MFF: variants seen among roughly 807,000 people sequenced by gnomAD.
The protein encoded by MFF is mitochondrial fission factor.
MFF carries 12 observed loss-of-function variants against 36.9 expected under a neutral mutation model. That is an observed-to-expected ratio of 0.33 (90% CI 0.21 to 0.53). The LOEUF is 0.53. Among genes scored for constraint, MFF ranks in the 20% least tolerant of loss-of-function variants. MFF has a pLI of 0.95. For missense variants in MFF, 348 were observed against 366.6 expected, an observed-to-expected ratio of 0.95 and a Z score of 0.42; for synonymous variants, 99 against 126.2, an observed-to-expected ratio of 0.78 and a Z score of 1.44.
At chr2:227,345,125 A>G (rs73994252) in intron 5 of MFF, among the ~76,000 whole-genome samples, 3,593 of 152,306 alleles carry the variant, frequency 0.024, 140 homozygotes, top group African/African-American at 0.081. Flanking sequence ...ATGTTTGACT[A>G]TTTTATAAGA....
chr2:227,330,383 A>G, intron 2 of MFF: 1 of 471,746 alleles, frequency 2.1e-6, no homozygotes, highest in Non-Finnish European at 3.8e-6. Flanking sequence ...TAATTCTATA[A>G]TAATTTAAAA....
At chr2:227,342,905 T>A (rs2075480536) in intron 5 of MFF, 1 of 1,163,032 alleles carries the variant, frequency 8.6e-7, no homozygotes, top group South Asian at 1.4e-5. Flanking sequence ...ACCAGGTAAT[T>A]GACGTATGCT....
intron 7 of MFF, chr2:227,355,389 G>T: frequency 4.7e-6 from 1 of 211,574 alleles, no homozygotes. Context: ...TTTTAGCATC[G>T]CCAATCCTTC....
chr2:227,340,235 A>G, intron 4 of MFF, 57 bp from the exon 5 acceptor site: 1 of 1,402,372 alleles, frequency 7.1e-7, no homozygotes. Context: ...GATGCTAAGC[A>G]GCTACTAGCC....
chr2:227,337,495 A>G (rs1165724282), intron 4 of MFF, among the ~76,000 whole-genome samples: 1 of 152,240 alleles, frequency 6.6e-6, no homozygotes, highest in Admixed American at 6.5e-5. Context: ...AGAATCAGCC[A>G]TCAAAAAACC....
At chr2:227,345,516 T>G (rs2075660846) in intron 5 of MFF, among the ~76,000 whole-genome samples, 1 of 152,254 alleles carries the variant, frequency 6.6e-6, no homozygotes, top group Non-Finnish European at 1.5e-5. Context: ...CTGGCTGCTC[T>G]ATCAAGAAGA....
rs386392817 is a variant in MFF at position 227,335,171 on chromosome 2, C to CAAAAA, written c.351+2595_351+2599dup. Among the ~76,000 whole-genome samples, 3 of 128,664 alleles carry CAAAAA rather than the reference C, an allele frequency of 2.3e-5. 1 individual carries two copies. The highest frequency in any genetic ancestry group is 9.0e-5 in the African/African-American group (3 of 33,174). The allele number at this position is 128,664 out of a possible 152,430, so 84.4% of individuals were successfully genotyped here. On this transcript the variant is annotated intron_variant, in intron 4 of 8. Transcript: ENST00000304593. ...GGCAACAGAGCCAGACTCTGTCTCT[C>CAAAAA]AAAAAAAAAAAAAAAAGGTACTGAT... is the stretch of plus-strand genomic sequence containing the variant.
intron 6 of MFF, among the ~76,000 whole-genome samples, chr2:227,350,904 T>C (rs747581448): frequency 6.6e-6 from 1 of 152,198 alleles, no homozygotes; most frequent in East Asian, 1.9e-4. Context: ...ACCTGTCTAA[T>C]TTACTTTTAC....
Position 227,357,069 on chromosome 2 carries a change from T to C in MFF, c.828T>C (p.Ile276=). The change falls in exon 9 of 9, where the codon ATT becomes ATC. Residue 276 remains isoleucine (I), a synonymous_variant. Transcript: ENST00000304593. ...AAAGAGAAATGGTCATGTATTCAAT[T>C]ACTGTAGCTTTCTGGCTGCTTAATA... The part of the protein sequence containing the change: ...RAKREMVMYS[I]TVAFWLLNSW... The C allele has an allele frequency of 6.2e-7, 1 of 1,612,568 alleles. No individual in the cohort carries two copies. The highest frequency in any genetic ancestry group is 2.2e-5 in the East Asian group (1 of 44,872).
chr2:227,325,540 C>T (rs973192467), intron 1 of MFF, 113 bp downstream of exon 1: 2 of 152,334 alleles, frequency 1.3e-5, no homozygotes, highest in African/African-American at 4.8e-5. Flanking sequence ...CCCGGCCCCC[C>T]CGGTAGTGTC....
intron 2 of MFF, 189 bp from the exon 3 acceptor site, chr2:227,330,437 T>C: frequency 3.5e-6 from 2 of 572,670 alleles, no homozygotes; most frequent in Non-Finnish European, 6.2e-6. Context: ...TTTCAGCTGA[T>C]AATTAAGAAG....
At position 227,325,439 on chromosome 2, in the gene MFF, C is replaced by G. The variant is rs1433861531; in HGVS notation, c.-153+12C>G. 7.0e-6 allele frequency: 1 copy of G among 142,374 alleles called. No homozygotes were observed. Among genetic ancestry groups the G allele is most frequent in the Admixed American group, 6.8e-5 (1 of 14,750 alleles). 8.8% of individuals were successfully genotyped at this position (142,374 alleles called of 1,614,324 possible). ...CTGTGGGCCCAGGGGTGAGTGTTGA[C>G]GTCTTCCCGACCCGCGACCTGCCGC... On this transcript the variant is annotated intron_variant, in intron 1 of 8. Transcript: ENST00000304593.
At chr2:227,330,395 AT>A in intron 2 of MFF, 2 of 491,228 alleles carry the variant, frequency 4.1e-6, no homozygotes, top group Non-Finnish European at 7.2e-6. Context: ...AATTTAAAAA[AT>A]TTGCTCCTAA....
In MFF at chr2:227,350,843, A is replaced by G. The variant is rs570182580; in HGVS notation, c.600-1671A>G. Among the ~76,000 whole-genome samples, 13 of 152,332 alleles carry G rather than the reference A, an allele frequency of 8.5e-5. 2 individuals are homozygous for G. Among genetic ancestry groups the G allele is most frequent in the African/African-American group, 2.9e-4 (12 of 41,582 alleles). ...TTGAGAAGATTTTATGTATTAAATC[A>G]TACTTATCGTAGAAAATGGTACTTG... is the stretch of plus-strand genomic sequence containing the variant. On this transcript the variant is annotated intron_variant, in intron 6 of 8. Coordinates refer to ENST00000304593, the MANE Select transcript of MFF (RefSeq NM_001277062.2).
At chr2:227,330,401 T>C in intron 2 of MFF, 1 of 508,786 alleles carries the variant, frequency 2.0e-6, no homozygotes, top group Non-Finnish European at 3.5e-6. Context: ...AAAAATTTGC[T>C]CCTAAGCAAT....
chr2:227,335,404 T>C (rs2074920608), intron 4 of MFF, among the ~76,000 whole-genome samples: 1 of 152,156 alleles, frequency 6.6e-6, no homozygotes, highest in South Asian at 2.1e-4. Flanking sequence ...CCTTTTGGGC[T>C]GATGAAAATA....
chr2:227,345,840 C>A (rs770842787), intron 5 of MFF, among the ~76,000 whole-genome samples: 2 of 152,158 alleles, frequency 1.3e-5, no homozygotes, highest in Non-Finnish European at 2.9e-5. Flanking sequence ...CATGAGACTG[C>A]ATCTGAAAAT....
chr2:227,329,209 C>T (rs577864628), intron 2 of MFF: 1 of 152,444 alleles, frequency 6.6e-6, no homozygotes, highest in Non-Finnish European at 1.5e-5. Flanking sequence ...GCCTCAGTTA[C>T]ATTTACTTTT....
chr2:227,342,634 T>G, intron 5 of MFF: 2 of 785,840 alleles, frequency 2.5e-6, no homozygotes, highest in Non-Finnish European at 4.2e-6. Context: ...GGCAATAAGA[T>G]TGTGGTCAGC....
Sources: gnomAD v4.1 joint callset for allele counts (sites outside exome capture counted in the v4.1 genomes callset) on GRCh38, gnomAD v4.1.1 for gene constraint, MANE v1.5 for transcripts, NCBI Gene and HGNC (gene_info 2026-07-23, HGNC 2026-07-21) for gene names.